NOL4L: variants seen among roughly 807,000 people sequenced by gnomAD.
The protein encoded by NOL4L is nucleolar protein 4 like.
A neutral mutation model predicts 64.5 loss-of-function variants in NOL4L; 7 were observed. The ratio of observed to expected loss-of-function variants is 0.11; its 90% CI spans 0.06 to 0.20. The LOEUF (loss-of-function observed/expected upper bound fraction) is 0.20, where lower values mean the gene tolerates loss of function less well. Ranked by LOEUF, NOL4L falls within the 10% of genes least tolerant of loss-of-function variation. The pLI, the probability that NOL4L is intolerant of heterozygous loss-of-function variation, is 1.00. For missense variants in NOL4L, 680 were observed against 967.1 expected (o/e 0.70, Z 3.94); for synonymous variants, 413 against 401.0 (o/e 1.03, Z -0.36).
chr20:32,531,367 CTT>C (rs531522420), intron 1 of NOL4L, among the ~76,000 whole-genome samples: 11 of 147,042 alleles, frequency 7.5e-5, no homozygotes, highest in East Asian at 2.0e-4. Context: ...ATTTCTATAC[CTT>C]TTTTTTTTTT....
At position 32,503,242 on chromosome 20, in the gene NOL4L, T is replaced by C. The variant is rs533567649; in HGVS notation, c.699+8105A>G. On this transcript the variant is annotated intron_variant, in intron 4 of 10. Transcript: ENST00000621426. ...TGAGACAGGATGAAGGTTTGGGCTA[T>C]AGATTCTCAGATACTGAAAATGTGG... Among the ~76,000 whole-genome samples the C allele has an allele frequency of 6.6e-5, 10 of 152,336 alleles. No individual in the cohort carries two copies. In the South Asian group the frequency reaches 1.0e-3, roughly 16 times the overall value.
chr20:32,524,496 C>T (rs1000849439), intron 2 of NOL4L, among the ~76,000 whole-genome samples: 1 of 152,202 alleles, frequency 6.6e-6, no homozygotes, highest in African/African-American at 2.4e-5. Context: ...AAAAAGTCTG[C>T]CACCGCCCTG....
intron 4 of NOL4L, among the ~76,000 whole-genome samples, chr20:32,501,103 A>G (rs2016906322): frequency 1.3e-5 from 2 of 152,196 alleles, no homozygotes; most frequent in Admixed American, 6.5e-5. Context: ...AAGTCACTTG[A>G]CAGGAGAGAA....
chr20:32,529,522 G>A (rs1203781940), intron 1 of NOL4L, among the ~76,000 whole-genome samples: 1 of 152,142 alleles, frequency 6.6e-6, no homozygotes, highest in African/African-American at 2.4e-5. Flanking sequence ...CTCACAACAC[G>A]TTCTGGCACA....
intron 5 of NOL4L, among the ~76,000 whole-genome samples, chr20:32,459,392 T>G (rs997654770): frequency 6.7e-6 from 1 of 150,312 alleles, no homozygotes; most frequent in African/African-American, 2.4e-5. Flanking sequence ...TTTTTTTTTT[T>G]TTTTTTTTGA....
chr20:32,462,902 T>TAAAAAAAAAAAAAAA (rs1276010880), intron 5 of NOL4L, among the ~76,000 whole-genome samples: 1 of 39,430 alleles, frequency 2.5e-5, no homozygotes, highest in Non-Finnish European at 3.9e-5. Context: ...AGACTCTGTC[T>TAAAAAAAAAAAAAAA]TAAAAAAAAA....
chr20:32,554,320 CAAAAA>C (rs58257913), intron 1 of NOL4L, among the ~76,000 whole-genome samples: 1 of 64,064 alleles, frequency 1.6e-5, no homozygotes, highest in Non-Finnish European at 3.0e-5. Context: ...GACTCTGCCT[CAAAAA>C]AAAAAAAAAA....
At chr20:32,459,150 G>C (rs146827986) in intron 5 of NOL4L, among the ~76,000 whole-genome samples, 1 of 152,162 alleles carries the variant, frequency 6.6e-6, no homozygotes, top group Non-Finnish European at 1.5e-5. Flanking sequence ...CTAGGACCTC[G>C]TATGGCCAAG....
At chr20:32,533,610 T>C (rs748993783) in intron 1 of NOL4L, 1 of 152,222 alleles carries the variant, frequency 6.6e-6, no homozygotes, top group African/African-American at 2.4e-5. Context: ...AAGAATCTTA[T>C]TGGGCAACAT....
At chr20:32,560,264 C>T (rs938404317) in intron 1 of NOL4L, among the ~76,000 whole-genome samples, 2 of 152,174 alleles carry the variant, frequency 1.3e-5, no homozygotes, top group Admixed American at 1.3e-4. Flanking sequence ...CCCTGGCACA[C>T]GTGGACACCA....
At chr20:32,465,918 G>A (rs539786727) in intron 5 of NOL4L, among the ~76,000 whole-genome samples, 111 of 152,172 alleles carry the variant, frequency 7.3e-4, no homozygotes, top group Non-Finnish European at 1.3e-3. Context: ...GGGTGGTGGC[G>A]AAGGGCAAGG....
intron 4 of NOL4L, among the ~76,000 whole-genome samples, chr20:32,476,260 G>A (rs1023809881): frequency 1.3e-5 from 2 of 150,712 alleles, no homozygotes; most frequent in Non-Finnish European, 3.0e-5. Context: ...TGCACAAAGG[G>A]TACAAAGGGA....
At chr20:32,559,854 A>G (rs1978891574) in intron 1 of NOL4L, among the ~76,000 whole-genome samples, 1 of 152,222 alleles carries the variant, frequency 6.6e-6, no homozygotes, top group African/African-American at 2.4e-5. Flanking sequence ...CCAAGGGACC[A>G]CGGCCAGCCC....
intron 1 of NOL4L, among the ~76,000 whole-genome samples, chr20:32,531,416 C>A (rs981378405): frequency 6.6e-6 from 1 of 151,088 alleles, no homozygotes; most frequent in Non-Finnish European, 1.5e-5. Flanking sequence ...TGCCATCAGG[C>A]TGGAGTGCTC....
intron 1 of NOL4L, among the ~76,000 whole-genome samples, chr20:32,571,684 C>T (rs1488548819): frequency 6.6e-6 from 1 of 152,226 alleles, no homozygotes; most frequent in African/African-American, 2.4e-5. Flanking sequence ...CACCAAGGCA[C>T]TCTCTCCCTG....
intron 1 of NOL4L, among the ~76,000 whole-genome samples, chr20:32,576,884 C>T (rs1980147114): frequency 6.6e-6 from 1 of 152,190 alleles, no homozygotes; most frequent in Non-Finnish European, 1.5e-5. Flanking sequence ...GTGGGGTGCC[C>T]TCACTAAAGG....
In NOL4L at chr20:32,469,998, C is replaced by A. The variant is rs1394110511; in HGVS notation, c.841+4603G>T. Reference sequence around the variant, plus strand: ...TGTCCCGAGGCCCAGGTTGGAGGAGCGGCCTCATCTGAGAGGCGCACACAC... The same window carrying A: ...TGTCCCGAGGCCCAGGTTGGAGGAGAGGCCTCATCTGAGAGGCGCACACAC... On this transcript the variant is annotated intron_variant, in intron 5 of 10. Transcript: ENST00000621426. Among the ~76,000 whole-genome samples, 4 of 152,236 alleles carry A rather than the reference C, an allele frequency of 2.6e-5. No individual in the cohort carries two copies. In the East Asian group the frequency reaches 5.8e-4, roughly 22 times the overall value.
rs1302296790 is a variant in NOL4L, at chr20:32,527,830, C to G, written c.405G>C (p.Ser135=). 6.4e-7 allele frequency: 1 copy of G among 1,550,594 alleles called. No homozygotes were observed. Among genetic ancestry groups the G allele is most frequent in the East Asian group, 2.4e-5 (1 of 40,912 alleles). The change falls in exon 2 of 11, where the codon TCG becomes TCC. Residue 135 remains serine (S), a synonymous_variant. Transcript: ENST00000621426. ...VVEDFFDIIY[S]MHVESSAEPG... ...GCTCCGCTGAGCTCTCCACATGCAT[C>G]GAGTAGATGATGTCAAAGAAATCTT...
At chr20:32,549,243 A>G (rs1437706694) in intron 1 of NOL4L, among the ~76,000 whole-genome samples, 6 of 152,238 alleles carry the variant, frequency 3.9e-5, no homozygotes, top group Admixed American at 3.9e-4. Context: ...AGAATACAGA[A>G]AAGATTCTTA....
Sources: allele counts gnomAD v4.1 joint callset (sites outside exome capture counted in the v4.1 genomes callset), GRCh38; gene constraint gnomAD v4.1.1; transcripts MANE v1.5; gene names NCBI Gene and HGNC (gene_info 2026-07-23, HGNC 2026-07-21).